The following VPS8 variants were observed in gnomAD, a reference collection of about 807,000 sequenced individuals.
VPS8 encodes VPS8 subunit of CORVET complex.
A neutral mutation model predicts 216.4 loss-of-function variants in VPS8; 129 were observed. The ratio of observed to expected loss-of-function variants is 0.60; its 90% CI spans 0.52 to 0.69. The LOEUF is 0.69. Among genes scored for constraint, VPS8 ranks in the 30% least tolerant of loss-of-function variants. The pLI is 0.00. For missense variants in VPS8, 1,531 were observed against 1,683.5 expected, an observed-to-expected ratio of 0.91 and a Z score of 1.59; for synonymous variants, 571 against 565.4, an observed-to-expected ratio of 1.01 and a Z score of -0.14.
chr3:184,897,269 G>A (rs1384745365), intron 23 of VPS8, among the ~76,000 whole-genome samples: 1 of 152,104 alleles, frequency 6.6e-6, no homozygotes, highest in Non-Finnish European at 1.5e-5. Context: ...AAGAGAGATG[G>A]CCTGATTTTG....
intron 45 of VPS8, among the ~76,000 whole-genome samples, chr3:185,022,549 TCC>T (rs1756808369): frequency 6.6e-6 from 1 of 152,210 alleles, no homozygotes; most frequent in African/African-American, 2.4e-5. Context: ...ATCCTTTCAT[TCC>T]TTTTCATTTA....
At chr3:185,044,027 T>C (rs560130873) in intron 46 of VPS8, among the ~76,000 whole-genome samples, 43 of 152,146 alleles carry the variant, frequency 2.8e-4, no homozygotes, top group Non-Finnish European at 5.6e-4. Flanking sequence ...CCGTCTCTAC[T>C]AAAAATACAA....
In VPS8 at chr3:184,862,989, G is replaced by A. The variant is rs1560434317; in HGVS notation, c.1317G>A (p.Glu439=). Residue 439 remains glutamate (E), a synonymous_variant, in exon 16 of 48, where the codon GAG becomes GAA. Transcript: ENST00000625842. ...CACAAGAGGAATTGGAGACAGTGGA[G>A]ATCTCAGAAGTTCAGCTGGTCTACA... ...RQTQEELETV[E]ISEVQLVYNS... is the part of the protein sequence containing the mutation. 3 of 1,613,966 alleles carry A rather than the reference G, an allele frequency of 1.9e-6. No individual in the cohort carries two copies. The highest frequency in any genetic ancestry group is 2.5e-6 in the Non-Finnish European group (3 of 1,179,836).
At chr3:184,912,802 A>G (rs903375111) in intron 25 of VPS8, among the ~76,000 whole-genome samples, 3 of 152,234 alleles carry the variant, frequency 2.0e-5, no homozygotes, top group Admixed American at 1.3e-4. Flanking sequence ...CATTATGTCC[A>G]GTATTCATAT....
rs1719062996 is a variant in VPS8, at chr3:184,827,590, T to C, written c.222+1359T>C. On this transcript the variant is annotated intron_variant, in intron 3 of 47. Transcript: ENST00000625842. The stretch of plus-strand genomic sequence containing the variant: ...TAAAATAAAAATAATCTTAGAGGAC[T>C]GTGTATAAGGCCTTGTTTGTAAATT... 1.3e-5 allele frequency among the ~76,000 whole-genome samples: 2 copies of C among 152,204 alleles called. 1 individual carries two copies. The highest frequency in any genetic ancestry group is 2.9e-5 in the Non-Finnish European group (2 of 68,042).
chr3:184,996,209 G>A, intron 43 of VPS8, 123 bp from the exon 44 acceptor site: 1 of 1,169,252 alleles, frequency 8.6e-7, no homozygotes, highest in Non-Finnish European at 1.2e-6. Context: ...TCCCTTTATA[G>A]TGTGTTTCAA....
intron 36 of VPS8, among the ~76,000 whole-genome samples, chr3:184,947,596 T>C (rs1743937508): frequency 6.6e-6 from 1 of 151,866 alleles, no homozygotes. Context: ...TAGACAAATA[T>C]ATTTAGCAAG....
intron 5 of VPS8, among the ~76,000 whole-genome samples, chr3:184,836,893 G>A (rs1055190020): frequency 6.6e-6 from 1 of 152,096 alleles, no homozygotes; most frequent in Non-Finnish European, 1.5e-5. Flanking sequence ...TTTCAAAGTA[G>A]TATGACATGT....
chr3:184,993,365 T>G (rs535144513), intron 42 of VPS8, among the ~76,000 whole-genome samples: 36 of 151,790 alleles, frequency 2.4e-4, no homozygotes, highest in East Asian at 3.9e-4. Context: ...TTTTTTGGGT[T>G]TTTTTTTTGT....
At chr3:185,009,061 C>T (rs1287713761) in intron 45 of VPS8, among the ~76,000 whole-genome samples, 2 of 151,688 alleles carry the variant, frequency 1.3e-5, no homozygotes, top group African/African-American at 4.9e-5. Context: ...TCTGTATTAC[C>T]AGCCCAGTTC....
At chr3:184,822,807 G>A (rs1251719144) in intron 1 of VPS8, among the ~76,000 whole-genome samples, 1 of 152,190 alleles carries the variant, frequency 6.6e-6, no homozygotes, top group African/African-American at 2.4e-5. Context: ...TGCAAAAGGA[G>A]CCCTATATTT....
At chr3:185,028,857 C>T (rs1277694093) in intron 46 of VPS8, among the ~76,000 whole-genome samples, 4 of 152,110 alleles carry the variant, frequency 2.6e-5, no homozygotes, top group African/African-American at 4.8e-5. Flanking sequence ...CAGTTGTATC[C>T]GTAAGTGTAG....
At chr3:184,863,583 G>A (rs1726781254) in intron 16 of VPS8, among the ~76,000 whole-genome samples, 1 of 152,180 alleles carries the variant, frequency 6.6e-6, no homozygotes, top group Non-Finnish European at 1.5e-5. Context: ...TAGATGAGAT[G>A]CAGGAGCCTA....
At chr3:184,842,337 C>CCTTG (rs1388042473) in intron 7 of VPS8, among the ~76,000 whole-genome samples, 1 of 150,242 alleles carries the variant, frequency 6.7e-6, no homozygotes, top group Non-Finnish European at 1.5e-5. Flanking sequence ...TTTTTAATTT[C>CCTTG]CTTGGGCCTG....
chr3:184,883,012 C>T (rs1730545019), intron 21 of VPS8, among the ~76,000 whole-genome samples: 1 of 152,134 alleles, frequency 6.6e-6, no homozygotes, highest in Admixed American at 6.5e-5. Flanking sequence ...CCAATTATAT[C>T]CAAATTGCTA....
intron 46 of VPS8, among the ~76,000 whole-genome samples, chr3:185,040,805 A>G (rs566092097): frequency 1.9e-4 from 29 of 152,278 alleles, no homozygotes; most frequent in African/African-American, 6.7e-4. Context: ...AGTGCAAGGC[A>G]TTGCTTATAT....
At chr3:185,050,357 G>C (rs1169098603) in intron 47 of VPS8, among the ~76,000 whole-genome samples, 2 of 152,140 alleles carry the variant, frequency 1.3e-5, no homozygotes, top group African/African-American at 4.8e-5. Context: ...TTGTGAATGA[G>C]ACCATACATG....
intron 40 of VPS8, among the ~76,000 whole-genome samples, chr3:184,978,513 A>G (rs1210494122): frequency 6.6e-6 from 1 of 151,888 alleles, no homozygotes; most frequent in African/African-American, 2.4e-5. Context: ...CTCCCACCTC[A>G]GTTTCCCAAA....
chr3:184,928,385 C>A, intron 31 of VPS8, 66 bp from the exon 32 acceptor site: 1 of 1,368,034 alleles, frequency 7.3e-7, no homozygotes, highest in Non-Finnish European at 9.8e-7. Context: ...GTCTGCATGG[C>A]TGAATGCACT....
Sources: gnomAD v4.1 joint callset for allele counts (sites outside exome capture counted in the v4.1 genomes callset) on GRCh38, gnomAD v4.1.1 for gene constraint, MANE v1.5 for transcripts, NCBI Gene and HGNC (gene_info 2026-07-23, HGNC 2026-07-21) for gene names.